CSMD1: variants seen among roughly 807,000 people sequenced by gnomAD.
CSMD1 encodes CUB and sushi domain-containing protein 1.
Under a neutral mutation model 417.5 loss-of-function variants are expected in CSMD1, and 213 were observed. The observed-to-expected ratio is 0.51, with a 90% CI of 0.46 to 0.57. The LOEUF (loss-of-function observed/expected upper bound fraction) is 0.57. CSMD1 is among the 20% of genes least tolerant of loss of function. The pLI, the probability that CSMD1 is intolerant of heterozygous loss-of-function variation, is 0.00. For synonymous variants in CSMD1, 2,862 were observed against 1,736.8 expected, an observed-to-expected ratio of 1.65 and a Z score of -16.11; for missense variants, 6,923 against 4,529.7, an observed-to-expected ratio of 1.53 and a Z score of -15.17.
At chr8:3,761,049 C>T (rs1376322449) in intron 5 of CSMD1, among the ~76,000 whole-genome samples, 1 of 151,900 alleles carries the variant, frequency 6.6e-6, no homozygotes, top group African/African-American at 2.4e-5. Flanking sequence ...TTAAATAGAA[C>T]AACCTGATCA....
At chr8:4,099,839 T>G (rs1358727872) in intron 3 of CSMD1, among the ~76,000 whole-genome samples, 1 of 152,154 alleles carries the variant, frequency 6.6e-6, no homozygotes, top group Non-Finnish European at 1.5e-5. Context: ...TCTTGCTCCC[T>G]TAGAACATCC....
At chr8:4,451,102 G>C (rs565156715) in intron 2 of CSMD1, among the ~76,000 whole-genome samples, 5 of 152,124 alleles carry the variant, frequency 3.3e-5, no homozygotes, top group Admixed American at 2.6e-4. Flanking sequence ...AAGGCAGGAG[G>C]ATTACTCCTG....
At chr8:4,849,040 T>C (rs1175604255) in intron 1 of CSMD1, among the ~76,000 whole-genome samples, 1 of 152,226 alleles carries the variant, frequency 6.6e-6, no homozygotes, top group Non-Finnish European at 1.5e-5. Context: ...GCTCTACACC[T>C]GTTATAGTCC....
chr8:2,981,066 A>G (rs953515319), intron 54 of CSMD1, among the ~76,000 whole-genome samples: 48 of 152,316 alleles, frequency 3.2e-4, no homozygotes, highest in African/African-American at 1.2e-3. Context: ...TTCCTATTTA[A>G]TTCTGAGGCT....
rs565928351 is a variant in CSMD1 at position 2,936,910 on chromosome 8, C to G, written c.*1675G>C. Reference sequence around the variant, plus strand: ...GTGTTCACTCCGACAACGTGAAGGCCAATTTGAACATTCTGACATTTCTAT... The same window carrying G: ...GTGTTCACTCCGACAACGTGAAGGCGAATTTGAACATTCTGACATTTCTAT... On this transcript the variant is annotated 3_prime_UTR_variant, in exon 70 of 70. Coordinates refer to ENST00000635120, the MANE Select transcript of CSMD1 (RefSeq NM_033225.6). 5.3e-5 allele frequency: 8 copies of G among 152,258 alleles called. No individual in the cohort carries two copies. The South Asian group carries it at 1.7e-3, about 32-fold the overall frequency. 9.4% of individuals were successfully genotyped at this position (152,258 alleles called of 1,614,324 possible).
At chr8:4,054,185 G>A (rs191166290) in intron 3 of CSMD1, among the ~76,000 whole-genome samples, 5 of 152,212 alleles carry the variant, frequency 3.3e-5, no homozygotes, top group Non-Finnish European at 5.9e-5. Flanking sequence ...TTCACAGAAC[G>A]CACGGCCATG....
At chr8:4,335,583 C>T (rs1218986782) in intron 3 of CSMD1, among the ~76,000 whole-genome samples, 1 of 152,082 alleles carries the variant, frequency 6.6e-6, no homozygotes, top group Non-Finnish European at 1.5e-5. Flanking sequence ...TCTTAGCTAA[C>T]TTTTCCTTAA....
chr8:3,053,515 T>A (rs6420213), intron 49 of CSMD1, among the ~76,000 whole-genome samples: 1 of 152,136 alleles, frequency 6.6e-6, no homozygotes, highest in Non-Finnish European at 1.5e-5. Context: ...ACATAAGGAA[T>A]TGATAGAGGA....
At chr8:4,374,168 A>T (rs921679686) in intron 3 of CSMD1, among the ~76,000 whole-genome samples, 6 of 152,158 alleles carry the variant, frequency 3.9e-5, no homozygotes, top group Admixed American at 3.3e-4. Flanking sequence ...CCCCTTTTAG[A>T]TCCCCCCTCT....
Position 3,908,098 on chromosome 8 carries a change from G to A in CSMD1, c.818+89805C>T, listed in dbSNP as rs191659899. ...ACTGGAGGTCAAAGCCCTAATGTCT[G>A]TTGAGGCTTTATGGAGCCCCTCTGA... is the stretch of plus-strand genomic sequence containing the variant. On this transcript the variant is annotated intron_variant, in intron 5 of 69. Coordinates refer to ENST00000635120, the MANE Select transcript of CSMD1 (RefSeq NM_033225.6). Among the ~76,000 whole-genome samples, 4 of 152,134 alleles carry A rather than the reference G, an allele frequency of 2.6e-5. No individual in the cohort carries two copies. In the East Asian group the frequency reaches 5.8e-4, roughly 22 times the overall value.
chr8:3,409,105 G>A (rs572865690), intron 13 of CSMD1, among the ~76,000 whole-genome samples: 1 of 152,300 alleles, frequency 6.6e-6, no homozygotes, highest in Non-Finnish European at 1.5e-5. Context: ...CTCTGTTGCT[G>A]TACTGATGTC....
intron 3 of CSMD1, among the ~76,000 whole-genome samples, chr8:4,269,744 A>G (rs1804454474): frequency 6.6e-6 from 1 of 152,214 alleles, no homozygotes. Flanking sequence ...ATTCTACTTA[A>G]AACACTGCAA....
chr8:4,711,587 G>A (rs1808301758), intron 1 of CSMD1, among the ~76,000 whole-genome samples: 1 of 151,770 alleles, frequency 6.6e-6, no homozygotes, highest in Non-Finnish European at 1.5e-5. Flanking sequence ...AAAATATATT[G>A]GTACTAAATT....
Position 4,494,461 on chromosome 8 carries a change from A to G in CSMD1, c.303-74396T>C, listed in dbSNP as rs117280994. Among the ~76,000 whole-genome samples the G allele has an allele frequency of 3.0e-4, 45 of 152,340 alleles. No individual in the cohort carries two copies. The East Asian group carries it at 7.9e-3, about 27-fold the overall frequency. Reference sequence around the variant, plus strand: ...GCATATATTGCTTGAAAACATTATTATACTTTCATGTGAAGACAATTCTAT... The same window carrying G: ...GCATATATTGCTTGAAAACATTATTGTACTTTCATGTGAAGACAATTCTAT... On this transcript the variant is annotated intron_variant, in intron 2 of 69. Coordinates refer to ENST00000635120, the MANE Select transcript of CSMD1 (RefSeq NM_033225.6).
chr8:3,899,340 G>T (rs1259681342), intron 5 of CSMD1, among the ~76,000 whole-genome samples: 1 of 152,186 alleles, frequency 6.6e-6, no homozygotes, highest in African/African-American at 2.4e-5. Flanking sequence ...GCAGGTGTGA[G>T]TTTGCTGGAC....
At chr8:3,246,659 A>G (rs1463092668) in intron 26 of CSMD1, among the ~76,000 whole-genome samples, 3 of 152,122 alleles carry the variant, frequency 2.0e-5, no homozygotes, top group Non-Finnish European at 2.9e-5. Flanking sequence ...TTTGAAAGAG[A>G]CGGGGTTTTG....
At chr8:3,307,862 C>CATCACATGTTTCTATT in intron 24 of CSMD1, 41 bp from the exon 25 acceptor site, 1 of 1,593,846 alleles carries the variant, frequency 6.3e-7, no homozygotes, top group Non-Finnish European at 8.5e-7. Context: ...CAGCTTCAGG[C>CATCACATGTTTCTATT]ATCACATGTT....
chr8:3,142,907 A>G (rs1225908926), intron 40 of CSMD1, among the ~76,000 whole-genome samples: 1 of 152,154 alleles, frequency 6.6e-6, no homozygotes, highest in African/African-American at 2.4e-5. Context: ...CCAGAAGTCA[A>G]TTTGTTTGTG....
At chr8:3,052,710 C>A (rs1047816532) in intron 49 of CSMD1, 63 bp from the exon 50 acceptor site, 4 of 1,147,330 alleles carry the variant, frequency 3.5e-6, no homozygotes, top group Middle Eastern at 4.1e-4. Flanking sequence ...GCTATTAAAA[C>A]CATTGATTGA....
Sources: gnomAD v4.1 joint callset for allele counts (sites outside exome capture counted in the v4.1 genomes callset) on GRCh38, gnomAD v4.1.1 for gene constraint, MANE v1.5 for transcripts, NCBI Gene and HGNC (gene_info 2026-07-23, HGNC 2026-07-21) for gene names.